PPM1H: variants seen among roughly 807,000 people sequenced by gnomAD.
The protein encoded by PPM1H is protein phosphatase, Mg2+/Mn2+ dependent 1H.
Under a neutral mutation model 54.9 loss-of-function variants are expected in PPM1H, and 27 were observed. The ratio of observed to expected loss-of-function variants is 0.49; its 90% CI spans 0.36 to 0.68. The LOEUF (loss-of-function observed/expected upper bound fraction) is 0.68, where lower values mean the gene tolerates loss of function less well. Ranked by LOEUF, PPM1H falls within the 30% of genes least tolerant of loss-of-function variation. The probability of loss-of-function intolerance (pLI) is 0.00; values close to 1 mark genes in which losing one functional copy is unlikely to be tolerated. For synonymous variants in PPM1H, 305 were observed against 270.8 expected (o/e 1.13, Z -1.24); for missense variants, 596 against 667.8 (o/e 0.89, Z 1.19).
chr12:62,665,585 C>T (rs1043919991), intron 9 of PPM1H, among the ~76,000 whole-genome samples: 3 of 152,168 alleles, frequency 2.0e-5, no homozygotes, highest in African/African-American at 7.2e-5. Context: ...TTTTCTAGTT[C>T]ACCAGTGTTC....
chr12:62,908,788 A>C (rs943379015), intron 1 of PPM1H, among the ~76,000 whole-genome samples: 1 of 152,234 alleles, frequency 6.6e-6, no homozygotes, highest in Admixed American at 6.5e-5. Context: ...AAATAATTAC[A>C]AATTACTATG....
intron 4 of PPM1H, among the ~76,000 whole-genome samples, chr12:62,772,691 GA>G (rs1316450631): frequency 2.0e-5 from 3 of 152,068 alleles, no homozygotes; most frequent in African/African-American, 7.2e-5. Context: ...AGGGATTCTG[GA>G]AAACCACTTT....
At chr12:62,817,759 A>C (rs891719733) in intron 2 of PPM1H, among the ~76,000 whole-genome samples, 1 of 152,168 alleles carries the variant, frequency 6.6e-6, no homozygotes, top group African/African-American at 2.4e-5. Context: ...CTCAGTTCGG[A>C]AAGTTGAAAT....
intron 2 of PPM1H, among the ~76,000 whole-genome samples, chr12:62,821,347 GC>G (rs1451162612): frequency 1.3e-5 from 2 of 152,146 alleles, no homozygotes; most frequent in Non-Finnish European, 2.9e-5. Flanking sequence ...AAAACACTCT[GC>G]CAGGATATGA....
At chr12:62,838,290 T>C (rs1425716078) in intron 1 of PPM1H, among the ~76,000 whole-genome samples, 2 of 146,686 alleles carry the variant, frequency 1.4e-5, no homozygotes, top group East Asian at 2.0e-4. Context: ...TGAAGTGAGA[T>C]TTATATATAA....
intron 1 of PPM1H, among the ~76,000 whole-genome samples, chr12:62,884,499 A>G (rs1870510922): frequency 8.8e-6 from 1 of 114,016 alleles, no homozygotes; most frequent in African/African-American, 4.0e-5. Flanking sequence ...GAAACTCCAT[A>G]TCAAAAAAAA....
intron 1 of PPM1H, among the ~76,000 whole-genome samples, chr12:62,932,336 G>T (rs1279348908): frequency 1.3e-5 from 2 of 152,102 alleles, no homozygotes; most frequent in Non-Finnish European, 1.5e-5. Flanking sequence ...CCATAGGCAT[G>T]CAAACACTCT....
In PPM1H at chr12:62,644,865, T is replaced by C. The variant is rs2136585918; in HGVS notation, c.*3624A>G. 1 of 152,376 alleles carries C rather than the reference T, an allele frequency of 6.6e-6. No individual in the cohort carries two copies. The highest frequency in any genetic ancestry group is 6.5e-5 in the Admixed American group (1 of 15,304). The allele number at this position is 152,376 out of a possible 1,614,324, so 9.4% of individuals were successfully genotyped here. Reference sequence around the variant, plus strand: ...ACTTTTAGGATCAGCTTCGTTGTTCTTTGCGTAGACAATGACTCTCACAGC... The same window carrying C: ...ACTTTTAGGATCAGCTTCGTTGTTCCTTGCGTAGACAATGACTCTCACAGC... On this transcript the variant is annotated 3_prime_UTR_variant, in exon 10 of 10. Transcript: ENST00000228705.
intron 1 of PPM1H, among the ~76,000 whole-genome samples, chr12:62,933,085 C>G (rs1872200143): frequency 6.6e-6 from 1 of 151,822 alleles, no homozygotes; most frequent in South Asian, 2.1e-4. Context: ...TATTTTGTAC[C>G]TTCGCCACCC....
chr12:62,683,015 A>T (rs7955762), intron 8 of PPM1H, among the ~76,000 whole-genome samples: 20,667 of 145,602 alleles, frequency 0.14, 1,764 homozygotes, highest in East Asian at 0.27. Context: ...TAGATACTAC[A>T]TTTGGGAGAG....
chr12:62,708,469 G>A (rs2076187961), intron 6 of PPM1H, among the ~76,000 whole-genome samples: 1 of 152,186 alleles, frequency 6.6e-6, no homozygotes, highest in South Asian at 2.1e-4. Flanking sequence ...TGGAGAGCTG[G>A]GAAAAGCAGA....
At chr12:62,800,709 C>G (rs1469864549) in intron 3 of PPM1H, among the ~76,000 whole-genome samples, 1 of 152,210 alleles carries the variant, frequency 6.6e-6, no homozygotes, top group Non-Finnish European at 1.5e-5. Context: ...CCTTAAATAT[C>G]TCTTATTCTT....
chr12:62,805,957 A>G (rs1387289637), intron 2 of PPM1H, among the ~76,000 whole-genome samples: 1 of 152,220 alleles, frequency 6.6e-6, no homozygotes, highest in Admixed American at 6.5e-5. Context: ...GCACACCTTA[A>G]ATACATGATT....
intron 8 of PPM1H, among the ~76,000 whole-genome samples, chr12:62,678,626 C>T (rs1161795718): frequency 6.6e-6 from 1 of 152,082 alleles, no homozygotes; most frequent in Non-Finnish European, 1.5e-5. Flanking sequence ...GGACAGGCCA[C>T]ATCATGAAGT....
chr12:62,658,212 T>TTTTA (rs768288538), intron 9 of PPM1H, among the ~76,000 whole-genome samples: 6 of 130,590 alleles, frequency 4.6e-5, no homozygotes, highest in South Asian at 2.6e-4. Context: ...TTTTTTTTTT[T>TTTTA]AAGTAAAAAA....
intron 5 of PPM1H, among the ~76,000 whole-genome samples, chr12:62,727,476 T>A (rs2076296190): frequency 1.3e-5 from 2 of 152,038 alleles, no homozygotes; most frequent in African/African-American, 4.8e-5. Context: ...TTGATAGATG[T>A]CTTCCCATAA....
At chr12:62,923,876 C>T (rs183369632) in intron 1 of PPM1H, among the ~76,000 whole-genome samples, 238 of 152,296 alleles carry the variant, frequency 1.6e-3, no homozygotes, top group Non-Finnish European at 2.4e-3. Flanking sequence ...TGGCAATCCT[C>T]TAGGGCAGGT....
intron 1 of PPM1H, among the ~76,000 whole-genome samples, chr12:62,846,436 G>T (rs1479766594): frequency 1.3e-5 from 2 of 151,566 alleles, no homozygotes; most frequent in African/African-American, 2.4e-5. Context: ...GGAGGCGGAG[G>T]TTGCAGTGAG....
intron 8 of PPM1H, among the ~76,000 whole-genome samples, chr12:62,676,424 T>A (rs1240878918): frequency 6.6e-6 from 1 of 152,058 alleles, no homozygotes; most frequent in Non-Finnish European, 1.5e-5. Context: ...CCCAAGTTGG[T>A]GGGACAGGAG....
Sources: gnomAD v4.1 joint callset for allele counts (sites outside exome capture counted in the v4.1 genomes callset) on GRCh38, gnomAD v4.1.1 for gene constraint, MANE v1.5 for transcripts, NCBI Gene and HGNC (gene_info 2026-07-23, HGNC 2026-07-21) for gene names.